PEPD: variants seen among roughly 807,000 people sequenced by gnomAD.
The protein encoded by PEPD is xaa-Pro dipeptidase.
In PEPD, 53 loss-of-function variants were observed where a neutral mutation model predicts 60.7. The observed-to-expected ratio is 0.87, with a 90% CI of 0.70 to 1.10. PEPD has a LOEUF of 1.10. Ranked by LOEUF, PEPD falls within the 50% of genes least tolerant of loss-of-function variation. PEPD has a pLI of 0.00. For synonymous variants in PEPD, 267 were observed against 284.1 expected (o/e 0.94, Z 0.60); for missense variants, 711 against 711.9 (o/e 1.00, Z 0.01).
rs375915358 is a variant in PEPD at position 33,493,306 on chromosome 19, G to A, written c.425C>T (p.Ser142Phe). ...GCCACTTACCAAAGTGAGGAGGACA[G>A]AGGGCTTCTGTGACGTCAGGACGCT... ...IASVLTSQKPSVLLTLRGVNT... is the reference protein window; with the variant it reads ...IASVLTSQKPFVLLTLRGVNT... The change falls in exon 5 of 15, where the codon TCT (serine) becomes TTT (phenylalanine). Residue 142 changes from serine to phenylalanine, a missense_variant. Ser to Phe is a radical substitution (Grantham distance 155). Coordinates refer to ENST00000244137, the MANE Select transcript of PEPD (RefSeq NM_000285.4). 3.0e-4 allele frequency: 477 copies of A among 1,613,390 alleles called. No individual in the cohort carries two copies. Among genetic ancestry groups the A allele is most frequent in the Non-Finnish European group, 3.9e-4 (463 of 1,179,522 alleles).
rs754233307 is a variant in PEPD, at chr19:33,387,885, C to T, written c.1344+5G>A. The T allele has an allele frequency of 6.4e-7, 1 of 1,557,980 alleles. No individual in the cohort carries two copies. Among genetic ancestry groups the T allele is most frequent in the Non-Finnish European group, 8.7e-7 (1 of 1,151,464 alleles). On this transcript the variant is annotated splice_donor_5th_base_variant and intron_variant, in intron 14 of 14. Transcript: ENST00000244137. ...GGAGCAAGAATGGGGCCCGTGGGCA[C>T]TCACCCCGCCAAAACCGCGAAAGCG...
intron 3 of PEPD, 145 bp from the exon 4 acceptor site, chr19:33,501,146 A>G: frequency 2.8e-6 from 2 of 716,494 alleles, no homozygotes; most frequent in Non-Finnish European, 5.1e-6. Flanking sequence ...CCGGCACCGA[A>G]CAGGTCGGCC....
Position 33,387,390 on chromosome 19 carries a change from A to T in PEPD, c.1436T>A (p.Met479Lys), listed in dbSNP as rs1281091646. 18 of 1,614,094 alleles carry T rather than the reference A, an allele frequency of 1.1e-5. No individual in the cohort carries two copies. The highest frequency in any genetic ancestry group is 1.5e-5 in the Non-Finnish European group (18 of 1,180,028). The change falls in exon 15 of 15, where the codon ATG (methionine) becomes AAG (lysine). Residue 479 changes from methionine (M) to lysine (K), a missense_variant. Met to Lys is a moderately conservative substitution (Grantham distance 95, BLOSUM62 -1). Transcript: ENST00000244137. ...PRTVEEIEAC[M>K]AGCDKAFTPF... ...GGTAAAGGCCTTGTCACAGCCTGCC[A>T]TGCATGCTTCAATCTCTTCCACAGT... is the stretch of plus-strand genomic sequence containing the variant.
chr19:33,497,659 T>A (rs998214834), intron 4 of PEPD, among the ~76,000 whole-genome samples: 3 of 152,154 alleles, frequency 2.0e-5, no homozygotes, highest in Admixed American at 2.0e-4. Flanking sequence ...CCAAGTGAGA[T>A]GGGGCTGAGC....
intron 9 of PEPD, among the ~76,000 whole-genome samples, chr19:33,433,898 G>T (rs1969322803): frequency 6.6e-6 from 1 of 152,200 alleles, no homozygotes; most frequent in Non-Finnish European, 1.5e-5. Context: ...ATTTTGGTGT[G>T]TGTGTGCAAG....
intron 9 of PEPD, among the ~76,000 whole-genome samples, chr19:33,418,361 C>A (rs1016316627): frequency 6.6e-6 from 1 of 152,236 alleles, no homozygotes; most frequent in Non-Finnish European, 1.5e-5. Context: ...ACACCTCAGG[C>A]CGAGCAGAGC....
chr19:33,493,334 C>G lies in PEPD; in HGVS notation c.397G>C (p.Ala133Pro). 1 of 1,612,954 alleles carries G rather than the reference C, an allele frequency of 6.2e-7. No individual in the cohort carries two copies. The highest frequency in any genetic ancestry group is 8.5e-7 in the Non-Finnish European group (1 of 1,178,998). ...VDDVQYVDEI[A>P]SVLTSQKPSV... The stretch of plus-strand genomic sequence containing the variant: ...GGCTTCTGTGACGTCAGGACGCTGG[C>G]AATCTAGAAGGTCGGAAAGAAAAAC... Residue 133 changes from alanine (A) to proline (P), a missense_variant, in exon 5 of 15, where the codon GCC (alanine) becomes CCC (proline). By Grantham distance (27) the Ala-to-Pro change is conservative. Coordinates refer to ENST00000244137, the MANE Select transcript of PEPD (RefSeq NM_000285.4).
intron 11 of PEPD, among the ~76,000 whole-genome samples, chr19:33,402,795 G>A (rs1401327455): frequency 1.3e-5 from 2 of 152,210 alleles, no homozygotes; most frequent in Non-Finnish European, 1.5e-5. Context: ...GGGCCTGGGG[G>A]CCAGCAGAGA....
chr19:33,441,836 A>G (rs1969484847), intron 9 of PEPD, among the ~76,000 whole-genome samples: 1 of 152,222 alleles, frequency 6.6e-6, no homozygotes, highest in Non-Finnish European at 1.5e-5. Context: ...TTCATAATGC[A>G]ATAGGTATTT....
Position 33,449,253 on chromosome 19 carries a change from C to G in PEPD, c.671+13742G>C, listed in dbSNP as rs530765524. On this transcript the variant is annotated intron_variant, in intron 9 of 14. Transcript: ENST00000244137. ...CTCCTCTGGGGTCGCCCATCTTGCA[C>G]AGTGAACCTACAAGCAACCTAAACC... 5.9e-5 allele frequency among the ~76,000 whole-genome samples: 9 copies of G among 152,380 alleles called. No individual in the cohort carries two copies. The South Asian group carries it at 1.9e-3, about 32-fold the overall frequency.
chr19:33,413,622 G>A lies in PEPD; in HGVS notation c.693C>T (p.Tyr231=). The change falls in exon 10 of 15, where the codon TAC becomes TAT. Residue 231 remains tyrosine (Y), a synonymous_variant. Transcript: ENST00000244137. ...ELESLFEHYC[Y]SRGGMRHSSY... is the part of the protein sequence containing the mutation. ...AGCTGTGGCGCATGCCGCCCCGGGA[G>A]TAGCAGTAGTGCTCGAAGAGGCTGC... 5.0e-6 allele frequency: 8 copies of A among 1,588,012 alleles called. No homozygotes were observed. The highest frequency in any genetic ancestry group is 6.9e-6 in the Non-Finnish European group (8 of 1,166,314).
chr19:33,468,634 G>A (rs1411780617), intron 7 of PEPD, among the ~76,000 whole-genome samples: 2 of 152,244 alleles, frequency 1.3e-5, no homozygotes, highest in Non-Finnish European at 2.9e-5. Context: ...CACGGTCTCC[G>A]TGACGCTGCA....
intron 6 of PEPD, among the ~76,000 whole-genome samples, chr19:33,485,794 A>C (rs1403891772): frequency 6.6e-6 from 1 of 152,188 alleles, no homozygotes; most frequent in Non-Finnish European, 1.5e-5. Context: ...TAAGAAATAC[A>C]CTTAGCCTGA....
chr19:33,521,437 G>C (rs1458228122), intron 1 of PEPD, among the ~76,000 whole-genome samples: 1 of 152,220 alleles, frequency 6.6e-6, no homozygotes, highest in Non-Finnish European at 1.5e-5. Flanking sequence ...CTCCTACCCG[G>C]GGGTCTTGGC....
intron 4 of PEPD, among the ~76,000 whole-genome samples, chr19:33,495,815 G>A (rs772214065): frequency 3.3e-5 from 5 of 151,934 alleles, no homozygotes; most frequent in Non-Finnish European, 7.4e-5. Context: ...ATGAAACCCC[G>A]TCTCTATTAA....
At chr19:33,411,642 C>T (rs777821089) in intron 11 of PEPD, 30 bp downstream of exon 11, 2 of 1,364,526 alleles carry the variant, frequency 1.5e-6, no homozygotes, top group South Asian at 1.2e-5. Context: ...GCTGTTCACA[C>T]ACAGAGCCAG....
At chr19:33,463,183 C>T in intron 8 of PEPD, 142 bp from the exon 9 acceptor site, 1 of 724,948 alleles carries the variant, frequency 1.4e-6, no homozygotes, top group South Asian at 1.5e-5. Context: ...GTGGTACAGA[C>T]ATGTGACAAA....
At chr19:33,393,239 G>A (rs868319327) in intron 12 of PEPD, among the ~76,000 whole-genome samples, 8,014 of 101,984 alleles carry the variant, frequency 0.079, 794 homozygotes, top group African/African-American at 0.23. Flanking sequence ...CCCGGGGTCT[G>A]GGGTCTGGGG....
intron 7 of PEPD, among the ~76,000 whole-genome samples, chr19:33,468,588 C>T (rs111573990): frequency 6.6e-6 from 1 of 152,254 alleles, no homozygotes; most frequent in African/African-American, 2.4e-5. Context: ...TTGGGAACTT[C>T]AAGGGAGCAG....
Sources: allele counts gnomAD v4.1 joint callset (sites outside exome capture counted in the v4.1 genomes callset), GRCh38; gene constraint gnomAD v4.1.1; transcripts MANE v1.5; gene names NCBI Gene and HGNC (gene_info 2026-07-23, HGNC 2026-07-21).